The following AQR variants were observed in gnomAD, a reference collection of about 807,000 sequenced individuals.
AQR encodes the protein RNA helicase aquarius.
AQR carries 61 observed loss-of-function variants against 180.5 expected under a neutral mutation model. The ratio of observed to expected loss-of-function variants is 0.34; its 90% CI spans 0.28 to 0.42. AQR has a LOEUF of 0.42. Ranked by LOEUF, AQR falls within the 10% of genes least tolerant of loss-of-function variation. The pLI, the probability that AQR is intolerant of heterozygous loss-of-function variation, is 1.00. For missense variants in AQR, 1,281 were observed against 1,798.3 expected (o/e 0.71, Z 5.20); for synonymous variants, 551 against 588.8 (o/e 0.94, Z 0.93).
At chr15:34,920,047 G>C (rs367567254) in intron 14 of AQR, among the ~76,000 whole-genome samples, 26 of 152,184 alleles carry the variant, frequency 1.7e-4, no homozygotes, top group African/African-American at 5.8e-4. Flanking sequence ...AATAGCACAG[G>C]AATTTTTAGG....
chr15:34,911,438 A>G (rs2140481423), intron 16 of AQR, among the ~76,000 whole-genome samples: 1 of 152,278 alleles, frequency 6.6e-6, no homozygotes, highest in African/African-American at 2.4e-5. Context: ...TTTTCTCCAC[A>G]TCCTTGCAAA....
intron 16 of AQR, among the ~76,000 whole-genome samples, chr15:34,914,593 C>A (rs1025662004): frequency 6.6e-6 from 1 of 152,184 alleles, no homozygotes; most frequent in African/African-American, 2.4e-5. Flanking sequence ...CCTAGAGAGG[C>A]TGCCTGAGAA....
rs1279707535 is a variant in AQR at position 34,852,657 on chromosome 15, C to T, written c.*4135G>A. On this transcript the variant is annotated 3_prime_UTR_variant, in exon 35 of 35. Coordinates refer to ENST00000156471, the MANE Select transcript of AQR (RefSeq NM_014691.3). Reference sequence around the variant, plus strand: ...CTAAACATGATTCTTTCCAGTGGGACATCTGAGAGTCTTTAATTAGCTAAC... The same window carrying T: ...CTAAACATGATTCTTTCCAGTGGGATATCTGAGAGTCTTTAATTAGCTAAC... 2 of 152,132 alleles carry T rather than the reference C, an allele frequency of 1.3e-5. No homozygotes were observed. The highest frequency in any genetic ancestry group is 4.8e-5 in the African/African-American group (2 of 41,438). 9.4% of individuals were successfully genotyped at this position (152,132 alleles called of 1,614,324 possible). A position where few individuals can be genotyped will look rare whatever the true frequency, so the allele number is the denominator to read the frequency against.
chr15:34,897,821 A>C, intron 20 of AQR, 116 bp from the exon 21 acceptor site: 6 of 1,118,552 alleles, frequency 5.4e-6, no homozygotes, highest in Non-Finnish European at 7.6e-6. Context: ...TTTCTGGCTT[A>C]AAGGAACGAT....
intron 18 of AQR, among the ~76,000 whole-genome samples, chr15:34,905,244 G>C (rs1052349506): frequency 1.3e-5 from 2 of 151,870 alleles, no homozygotes; most frequent in Non-Finnish European, 1.5e-5. Context: ...GTTTAGCAAT[G>C]ATATAATCTC....
At chr15:34,941,463 A>G (rs1392187865) in intron 7 of AQR, among the ~76,000 whole-genome samples, 1 of 152,150 alleles carries the variant, frequency 6.6e-6, no homozygotes. Context: ...TTTCATCCCC[A>G]TCAACTGGTG....
intron 32 of AQR, among the ~76,000 whole-genome samples, chr15:34,864,960 A>G (rs1892721103): frequency 6.7e-6 from 1 of 148,202 alleles, no homozygotes; most frequent in African/African-American, 2.7e-5. Flanking sequence ...CTAAATATTA[A>G]GAATCTAGCA....
intron 13 of AQR, among the ~76,000 whole-genome samples, chr15:34,926,558 C>T (rs1018358269): frequency 1.3e-5 from 2 of 152,226 alleles, no homozygotes; most frequent in Admixed American, 1.3e-4. Flanking sequence ...TGTTTACACA[C>T]TTAACAGAAC....
intron 28 of AQR, among the ~76,000 whole-genome samples, chr15:34,875,397 T>C (rs1376938267): frequency 1.3e-5 from 2 of 152,194 alleles, no homozygotes; most frequent in East Asian, 1.9e-4. Context: ...GCTTCACTTA[T>C]AAAAACAACT....
intron 17 of AQR, among the ~76,000 whole-genome samples, chr15:34,908,675 G>C (rs1359622936): frequency 1.3e-5 from 2 of 151,986 alleles, no homozygotes; most frequent in Non-Finnish European, 2.9e-5. Flanking sequence ...ATGTTTAAAA[G>C]AAAAAAAGAC....
chr15:34,965,078 C>G (rs1201191728), intron 1 of AQR, among the ~76,000 whole-genome samples: 3 of 152,180 alleles, frequency 2.0e-5, no homozygotes, highest in Non-Finnish European at 4.4e-5. Flanking sequence ...GAAGCAAAAT[C>G]TGAAATGTTA....
At chr15:34,946,540 GC>G (rs1486775765) in intron 5 of AQR, among the ~76,000 whole-genome samples, 1 of 142,150 alleles carries the variant, frequency 7.0e-6, no homozygotes, top group South Asian at 2.3e-4. Flanking sequence ...GAGGGGGTCA[GC>G]CCCCCGCCTG....
At chr15:34,918,692 T>C (rs898571969) in intron 14 of AQR, among the ~76,000 whole-genome samples, 3 of 152,218 alleles carry the variant, frequency 2.0e-5, no homozygotes, top group Non-Finnish European at 4.4e-5. Flanking sequence ...ACATCTCAAG[T>C]TTCCAATGAA....
rs115537316 is a variant in AQR, at chr15:34,889,054, C to T, written c.2681+1161G>A. On this transcript the variant is annotated intron_variant, in intron 24 of 34. Coordinates refer to ENST00000156471, the MANE Select transcript of AQR (RefSeq NM_014691.3). The stretch of plus-strand genomic sequence containing the variant: ...TAATATTCTTTAAAAACCATAAATT[C>T]GACTTCAATATAATTGTAATTATAG... Among the ~76,000 whole-genome samples, 1,289 of 152,206 alleles carry T rather than the reference C, an allele frequency of 8.5e-3. 19 individuals carry two copies. The highest frequency in any genetic ancestry group is 0.03 in the African/African-American group (1,237 of 41,506).
intron 1 of AQR, among the ~76,000 whole-genome samples, chr15:34,967,833 GA>G (rs1205166734): frequency 6.6e-6 from 1 of 152,046 alleles, no homozygotes; most frequent in African/African-American, 2.4e-5. Flanking sequence ...TTCGTTTTTA[GA>G]CGGAGTTTTG....
chr15:34,898,780 A>G (rs966903226), intron 20 of AQR, among the ~76,000 whole-genome samples: 20 of 151,722 alleles, frequency 1.3e-4, no homozygotes, highest in African/African-American at 4.8e-4. Flanking sequence ...GCTACTCAGG[A>G]GGCTGAGGCA....
chr15:34,935,828 T>C (rs1893936326), intron 9 of AQR, among the ~76,000 whole-genome samples: 1 of 152,180 alleles, frequency 6.6e-6, no homozygotes, highest in Admixed American at 6.5e-5. Context: ...AAAATAACAA[T>C]TTAAAGGAGC....
intron 27 of AQR, among the ~76,000 whole-genome samples, chr15:34,880,821 T>C (rs983836732): frequency 1.3e-5 from 2 of 152,134 alleles, no homozygotes; most frequent in African/African-American, 2.4e-5. Flanking sequence ...TTGACTGATA[T>C]AGATGAAAAG....
At chr15:34,892,645 A>G (rs1421883379) in intron 23 of AQR, among the ~76,000 whole-genome samples, 1 of 152,198 alleles carries the variant, frequency 6.6e-6, no homozygotes, top group Non-Finnish European at 1.5e-5. Flanking sequence ...TAAATCTATC[A>G]TAAGTTGAAA....
Sources: gnomAD v4.1 joint callset for allele counts (sites outside exome capture counted in the v4.1 genomes callset) on GRCh38, gnomAD v4.1.1 for gene constraint, MANE v1.5 for transcripts, NCBI Gene and HGNC (gene_info 2026-07-23, HGNC 2026-07-21) for gene names.